Variants in RAD51B observed in about 807,000 individuals in gnomAD.
The protein encoded by RAD51B is DNA repair protein RAD51 homolog 2.
In RAD51B, 38 loss-of-function variants were observed where a neutral mutation model predicts 42.2. The ratio of observed to expected loss-of-function variants is 0.90; its 90% confidence interval spans 0.70 to 1.18. The LOEUF (loss-of-function observed/expected upper bound fraction) is 1.18. Among genes scored for constraint, RAD51B ranks in the 50% most tolerant of loss-of-function variants. RAD51B has a pLI of 0.00. For missense variants in RAD51B, 373 were observed against 400.7 expected (o/e 0.93, Z 0.59); for synonymous variants, 154 against 145.2 (o/e 1.06, Z -0.43).
intron 10 of RAD51B, among the ~76,000 whole-genome samples, chr14:68,515,618 T>C (rs1439094860): frequency 6.6e-6 from 1 of 151,392 alleles, no homozygotes; most frequent in Non-Finnish European, 1.5e-5. Context: ...CTGGCTTTTT[T>C]TTTTTTCTTT....
rs141529157 is a variant in RAD51B, at chr14:68,650,415, G to A, written c.1037-366G>A. Among the ~76,000 whole-genome samples the A allele has an allele frequency of 9.2e-3, 1,397 of 152,270 alleles. 22 individuals carry two copies. Among genetic ancestry groups the A allele is most frequent in the African/African-American group, 0.032 (1,316 of 41,540 alleles). On this transcript the variant is annotated intron_variant, in intron 10 of 11. Coordinates refer to the RAD51B transcript ENST00000488612. ...GGTGATTGTCTGTGGTCTTTTACCT[G>A]TGCTGGGTTTAATCACAGTACCAGC... is the stretch of plus-strand genomic sequence containing the variant.
At chr14:68,144,737 G>A (rs188368298) in intron 7 of RAD51B, among the ~76,000 whole-genome samples, 1 of 152,270 alleles carries the variant, frequency 6.6e-6, no homozygotes, top group East Asian at 1.9e-4. Flanking sequence ...ATTGGGGTTT[G>A]TCTATGTTTT....
At chr14:68,007,353 C>G (rs1368340705) in intron 7 of RAD51B, among the ~76,000 whole-genome samples, 1 of 151,930 alleles carries the variant, frequency 6.6e-6, no homozygotes, top group African/African-American at 2.4e-5. Context: ...TGGACATGTG[C>G]TTTTAATTCT....
chr14:68,377,361 T>C (rs1310778303), intron 8 of RAD51B, among the ~76,000 whole-genome samples: 1 of 152,178 alleles, frequency 6.6e-6, no homozygotes, highest in East Asian at 1.9e-4. Context: ...TATAACCTCA[T>C]ACCTTCTCTA....
intron 7 of RAD51B, among the ~76,000 whole-genome samples, chr14:68,162,052 A>G (rs1253832931): frequency 6.6e-6 from 1 of 152,210 alleles, no homozygotes; most frequent in African/African-American, 2.4e-5. Flanking sequence ...CAGTAGTGGT[A>G]AGGTTAAGAA....
At chr14:68,511,495 C>T (rs534255533) in intron 10 of RAD51B, among the ~76,000 whole-genome samples, 11 of 152,350 alleles carry the variant, frequency 7.2e-5, no homozygotes, top group African/African-American at 2.6e-4. Context: ...GAACACTAAC[C>T]TGGCTTTACT....
intron 9 of RAD51B, among the ~76,000 whole-genome samples, chr14:68,431,901 TC>T (rs1449783345): frequency 3.5e-4 from 54 of 152,226 alleles, no homozygotes; most frequent in African/African-American, 1.2e-3. Context: ...GCTATAAATT[TC>T]CCTCTACACC....
At chr14:68,122,736 T>TTC (rs2077675548) in intron 7 of RAD51B, among the ~76,000 whole-genome samples, 2 of 152,226 alleles carry the variant, frequency 1.3e-5, no homozygotes, top group Non-Finnish European at 2.9e-5. Context: ...GACATAAGTA[T>TTC]AGTTATTGCA....
At chr14:68,368,812 G>A (rs2083194277) in intron 8 of RAD51B, among the ~76,000 whole-genome samples, 1 of 152,208 alleles carries the variant, frequency 6.6e-6, no homozygotes. Context: ...AAATAGAGCA[G>A]TGAAATTATA....
intron 7 of RAD51B, among the ~76,000 whole-genome samples, chr14:68,206,634 C>G (rs545226781): frequency 2.7e-4 from 41 of 151,998 alleles, no homozygotes; most frequent in African/African-American, 9.4e-4. Flanking sequence ...TAAACTGTCT[C>G]AGATTTAGCC....
chr14:68,641,825 T>C (rs1269979602), intron 10 of RAD51B, among the ~76,000 whole-genome samples: 1 of 151,810 alleles, frequency 6.6e-6, no homozygotes, highest in East Asian at 1.9e-4. Context: ...CTTCCTGAAT[T>C]GCTGGGATTA....
rs1890413226 is a variant in RAD51B at position 68,585,439 on chromosome 14, G to A, written c.1037-9046G>A. Among the ~76,000 whole-genome samples the A allele has an allele frequency of 3.9e-5, 6 of 152,126 alleles. No individual in the cohort carries two copies. The South Asian group carries it at 6.2e-4, about 16-fold the overall frequency. ...TCGGACTTTCCCAGGGGCTCCTGAC[G>A]AGGAGCCCCAGGCGGGAGGCTGATG... On this transcript the variant is annotated intron_variant, in intron 10 of 10. Coordinates refer to the RAD51B transcript ENST00000487270.
intron 10 of RAD51B, among the ~76,000 whole-genome samples, chr14:68,495,776 A>G (rs1294422026): frequency 6.6e-6 from 1 of 152,162 alleles, no homozygotes; most frequent in East Asian, 1.9e-4. Flanking sequence ...TGGAATAAAT[A>G]GTGACTTACC....
downstream of RAD51B, among the ~76,000 whole-genome samples, chr14:68,597,730 A>G (rs916574118): frequency 2.6e-5 from 4 of 151,930 alleles, no homozygotes; most frequent in East Asian, 5.8e-4. Context: ...TACTCTGTTC[A>G]GCAAACCCCT....
intron 7 of RAD51B, among the ~76,000 whole-genome samples, chr14:68,249,232 T>TAAAGC (rs1257615226): frequency 1.3e-5 from 2 of 152,242 alleles, no homozygotes; most frequent in Non-Finnish European, 2.9e-5. Context: ...CTAAGCTAAA[T>TAAAGC]AAAGCAGAGC....
intron 10 of RAD51B, among the ~76,000 whole-genome samples, chr14:68,591,181 C>T (rs1267179753): frequency 6.6e-6 from 1 of 152,138 alleles, no homozygotes; most frequent in Non-Finnish European, 1.5e-5. Flanking sequence ...AAGACAGCAA[C>T]AGGAGAGTGA....
chr14:67,853,487 A>G lies in RAD51B; in HGVS notation c.316-11516A>G, dbSNP rs181150865. On this transcript the variant is annotated intron_variant, in intron 4 of 10. Coordinates refer to ENST00000471583, the MANE Select transcript of RAD51B (RefSeq NM_133510.4). Reference sequence around the variant, plus strand: ...CAAAACTGACTTGCAGTGACATAATAAATGGATGCTGTTCAAGCTGCCAAG... The same window carrying G: ...CAAAACTGACTTGCAGTGACATAATGAATGGATGCTGTTCAAGCTGCCAAG... Among the ~76,000 whole-genome samples, 30 of 152,288 alleles carry G rather than the reference A, an allele frequency of 2.0e-4. No individual in the cohort carries two copies. In the East Asian group the frequency reaches 4.8e-3, roughly 25 times the overall value.
At chr14:68,329,175 A>G (rs959828347) in intron 8 of RAD51B, among the ~76,000 whole-genome samples, 1 of 151,976 alleles carries the variant, frequency 6.6e-6, no homozygotes. Flanking sequence ...CATCCAGCTA[A>G]TTTTTTATTT....
At chr14:68,556,239 A>C (rs1220561959) in intron 10 of RAD51B, among the ~76,000 whole-genome samples, 2 of 152,170 alleles carry the variant, frequency 1.3e-5, no homozygotes, top group East Asian at 3.9e-4. Context: ...GACAGACCTC[A>C]AACGTGAAAA....
Sources: gnomAD v4.1 joint callset for allele counts (sites outside exome capture counted in the v4.1 genomes callset) on GRCh38, gnomAD v4.1.1 for gene constraint, MANE v1.5 for transcripts, NCBI Gene and HGNC (gene_info 2026-07-23, HGNC 2026-07-21) for gene names.